The following SDK1 variants were observed in gnomAD, a reference collection of about 807,000 sequenced individuals.
SDK1 encodes sidekick cell adhesion molecule 1, also known as protein sidekick-1.
In SDK1, 157 loss-of-function variants were observed where a neutral mutation model predicts 245.5. The ratio of observed to expected loss-of-function variants is 0.64; its 90% CI spans 0.56 to 0.73. The LOEUF (loss-of-function observed/expected upper bound fraction) is 0.73, where lower values mean the gene tolerates loss of function less well. Ranked by LOEUF, SDK1 falls within the 30% of genes least tolerant of loss-of-function variation. The pLI is 0.00. For missense variants in SDK1, 3,583 were observed against 3,002.3 expected, an observed-to-expected ratio of 1.19 and a Z score of -4.52; for synonymous variants, 1,647 against 1,278.5, an observed-to-expected ratio of 1.29 and a Z score of -6.15.
chr7:3,468,955 T>G (rs1781096866), intron 1 of SDK1, among the ~76,000 whole-genome samples: 1 of 152,158 alleles, frequency 6.6e-6, no homozygotes, highest in Non-Finnish European at 1.5e-5. Context: ...TTAACACAAT[T>G]TAGGTATTTC....
At chr7:4,128,722 A>G (rs34477363) in intron 26 of SDK1, among the ~76,000 whole-genome samples, 791 of 72,092 alleles carry the variant, frequency 0.011, no homozygotes, top group East Asian at 0.09. Context: ...AGCTTGGGGT[A>G]GGGTGCCCTG....
At chr7:4,144,857 T>C (rs1363190249) in intron 28 of SDK1, among the ~76,000 whole-genome samples, 3 of 152,150 alleles carry the variant, frequency 2.0e-5, no homozygotes, top group Non-Finnish European at 2.9e-5. Context: ...GCAGTTGATT[T>C]TTTTTGGAAG....
intron 1 of SDK1, among the ~76,000 whole-genome samples, chr7:3,333,204 G>C (rs914177307): frequency 6.6e-6 from 1 of 152,110 alleles, no homozygotes; most frequent in African/African-American, 2.4e-5. Context: ...GATTTCTACT[G>C]AAGGCCAAAA....
At chr7:3,622,369 T>C (rs966023913) in intron 2 of SDK1, among the ~76,000 whole-genome samples, 2 of 152,022 alleles carry the variant, frequency 1.3e-5, no homozygotes, top group African/African-American at 4.8e-5. Context: ...TAATCCCAGC[T>C]ACTTGGGAGG....
intron 1 of SDK1, among the ~76,000 whole-genome samples, chr7:3,572,720 C>T (rs142510431): frequency 1.6e-4 from 24 of 152,138 alleles, no homozygotes; most frequent in South Asian, 2.1e-4. Context: ...GAGGATTTAA[C>T]GGTGAGCTAG....
chr7:3,976,057 ACGTAGAGGGTCCTCCAGAG>A (rs1257596063), intron 13 of SDK1, among the ~76,000 whole-genome samples: 2 of 964 alleles, frequency 2.1e-3, no homozygotes, highest in Non-Finnish European at 2.9e-3. Context: ...TGAGGCTGCC[ACGTAGAGGGTCCTCCAGAG>A]AATCACTGAG....
At chr7:3,613,612 C>T (rs1018486453) in intron 1 of SDK1, among the ~76,000 whole-genome samples, 1 of 152,114 alleles carries the variant, frequency 6.6e-6, no homozygotes, top group Non-Finnish European at 1.5e-5. Context: ...GACAGAAATA[C>T]CGTTTGACCC....
In SDK1 at chr7:3,803,611, C is replaced by CA. The variant is rs1463095451; in HGVS notation, c.714-17838dup. The stretch of plus-strand genomic sequence containing the variant: ...CAGGCTTGAGCCACTGCGCCTGTTA[C>CA]ACTTTCCCCATTTTCTAATTGGATT... On this transcript the variant is annotated intron_variant, in intron 4 of 44. Coordinates refer to ENST00000404826, the MANE Select transcript of SDK1 (RefSeq NM_152744.4). Among the ~76,000 whole-genome samples the CA allele has an allele frequency of 8.5e-5, 13 of 152,110 alleles. No homozygotes were observed. In the East Asian group the frequency reaches 1.9e-3, roughly 23 times the overall value.
At chr7:3,385,135 T>C (rs1036583436) in intron 1 of SDK1, among the ~76,000 whole-genome samples, 2 of 152,214 alleles carry the variant, frequency 1.3e-5, no homozygotes, top group South Asian at 4.1e-4. Context: ...GGTTCAGGTA[T>C]GGATTCTACC....
intron 4 of SDK1, among the ~76,000 whole-genome samples, chr7:3,655,839 T>G (rs1783166319): frequency 6.6e-6 from 1 of 152,042 alleles, no homozygotes; most frequent in Admixed American, 6.6e-5. Flanking sequence ...GGTCGCTGTG[T>G]GACCTTGGGA....
intron 22 of SDK1, among the ~76,000 whole-genome samples, chr7:4,093,204 T>C (rs1355343434): frequency 6.6e-6 from 1 of 152,046 alleles, no homozygotes; most frequent in African/African-American, 2.4e-5. Flanking sequence ...GAGCAAAACA[T>C]CTCTTTGAGC....
chr7:4,197,139 G>C (rs1003058349), intron 35 of SDK1, among the ~76,000 whole-genome samples: 1 of 152,208 alleles, frequency 6.6e-6, no homozygotes, highest in Non-Finnish European at 1.5e-5. Context: ...AGGCTGGCCA[G>C]GACAGAGACT....
chr7:3,732,160 T>C (rs1415860304), intron 4 of SDK1, among the ~76,000 whole-genome samples: 2 of 152,210 alleles, frequency 1.3e-5, no homozygotes, highest in Non-Finnish European at 2.9e-5. Context: ...AGAGTTCCAG[T>C]GGGCTTTCTC....
chr7:3,413,189 C>G lies in SDK1; in HGVS notation c.298+111305C>G, dbSNP rs1014058937. 4.0e-4 allele frequency among the ~76,000 whole-genome samples: 61 copies of G among 152,204 alleles called. 1 individual carries two copies. The highest frequency in any genetic ancestry group is 3.7e-3 in the Admixed American group (56 of 15,288). ...AAATCTTGGGTGGCAGTAGCAGGAA[C>G]AACAACTGCGAAGATCTTGAGCCAA... On this transcript the variant is annotated intron_variant, in intron 1 of 44. Coordinates refer to ENST00000404826, the MANE Select transcript of SDK1 (RefSeq NM_152744.4).
At chr7:3,384,349 A>G (rs992218587) in intron 1 of SDK1, among the ~76,000 whole-genome samples, 4 of 152,204 alleles carry the variant, frequency 2.6e-5, no homozygotes, top group African/African-American at 9.6e-5. Flanking sequence ...TTAATAACAT[A>G]TGCTGAAGGA....
intron 1 of SDK1, among the ~76,000 whole-genome samples, chr7:3,318,568 C>T (rs906628561): frequency 5.3e-5 from 8 of 152,326 alleles, no homozygotes; most frequent in Admixed American, 2.6e-4. Context: ...GAAGGCATTA[C>T]TTATTACTTG....
rs112656664 is a variant in SDK1 at position 3,553,234 on chromosome 7, A to G, written c.299-65846A>G. Among the ~76,000 whole-genome samples the G allele has an allele frequency of 2.3e-4, 35 of 152,282 alleles. 1 individual carries two copies. Among genetic ancestry groups the G allele is most frequent in the African/African-American group, 7.0e-4 (29 of 41,568 alleles). On this transcript the variant is annotated intron_variant, in intron 1 of 44. Coordinates refer to ENST00000404826, the MANE Select transcript of SDK1 (RefSeq NM_152744.4). ...AGAGCTTTAAATGCATTATCTACTT[A>G]ATGTTCATAGCAATCTAGGAGGCAG... is the stretch of plus-strand genomic sequence containing the variant.
At chr7:3,723,713 CGT>C (rs1323033715) in intron 4 of SDK1, among the ~76,000 whole-genome samples, 3 of 150,658 alleles carry the variant, frequency 2.0e-5, no homozygotes, top group Middle Eastern at 6.9e-3. Flanking sequence ...TACATATACA[CGT>C]GTATATACAC....
chr7:3,982,891 A>C (rs371369714), intron 13 of SDK1, among the ~76,000 whole-genome samples: 2 of 152,152 alleles, frequency 1.3e-5, no homozygotes, highest in Admixed American at 6.5e-5. Flanking sequence ...CACAATATCA[A>C]TATTAACAGG....
Sources: gnomAD v4.1 joint callset for allele counts (sites outside exome capture counted in the v4.1 genomes callset) on GRCh38, gnomAD v4.1.1 for gene constraint, MANE v1.5 for transcripts, NCBI Gene and HGNC (gene_info 2026-07-23, HGNC 2026-07-21) for gene names.